Variants in SEC62 observed in about 807,000 individuals in gnomAD.
SEC62 encodes translocation protein SEC62.
In SEC62, 10 loss-of-function variants were observed where a neutral mutation model predicts 47.5. The ratio of observed to expected loss-of-function variants is 0.21; its 90% CI spans 0.13 to 0.36. The LOEUF is 0.36. Among genes scored for constraint, SEC62 ranks in the 10% least tolerant of loss-of-function variants. The pLI is 1.00. For synonymous variants in SEC62, 136 were observed against 150.5 expected (o/e 0.90, Z 0.71); for missense variants, 327 against 464.1 (o/e 0.70, Z 2.71).
At chr3:169,966,941 G>A in intron 1 of SEC62, 83 bp downstream of exon 1, 2 of 328,946 alleles carry the variant, frequency 6.1e-6, no homozygotes, top group Non-Finnish European at 1.1e-5. Context: ...AAGGGCGAGC[G>A]AAAGCAAGGG....
chr3:169,976,505 T>G (rs1169839937), intron 2 of SEC62, among the ~76,000 whole-genome samples: 1 of 152,250 alleles, frequency 6.6e-6, no homozygotes, highest in Admixed American at 6.5e-5. Context: ...TATAATATGT[T>G]TAGCTGTTTC....
intron 6 of SEC62, among the ~76,000 whole-genome samples, chr3:169,987,065 GA>G (rs372790350): frequency 9.3e-4 from 130 of 139,936 alleles, no homozygotes; most frequent in South Asian, 3.4e-3. Flanking sequence ...TTAACAAACA[GA>G]AAAAAAAAAA....
At chr3:169,979,465 A>T (rs999531292) in intron 3 of SEC62, among the ~76,000 whole-genome samples, 2 of 152,208 alleles carry the variant, frequency 1.3e-5, no homozygotes, top group African/African-American at 4.8e-5. Context: ...CTATATCATG[A>T]ATGAACTCAT....
chr3:169,983,405 T>G, intron 5 of SEC62, 152 bp downstream of exon 5: 1 of 457,564 alleles, frequency 2.2e-6, no homozygotes, highest in South Asian at 4.1e-5. Flanking sequence ...ATCAATAATT[T>G]CTCTTATTTA....
intron 7 of SEC62, among the ~76,000 whole-genome samples, chr3:169,991,201 G>A (rs1263001973): frequency 6.6e-6 from 1 of 152,060 alleles, no homozygotes; most frequent in African/African-American, 2.4e-5. Flanking sequence ...CATTAACATT[G>A]TATTTTTCCT....
rs1427987598 is a variant in SEC62, at chr3:169,993,862, A to G, written c.*799A>G. On this transcript the variant is annotated 3_prime_UTR_variant, in exon 8 of 8. Transcript: ENST00000337002. The stretch of plus-strand genomic sequence containing the variant: ...TATTTAGATATTTCTCAACACTTAA[A>G]TTCATAAAATTAAGACCATGTAAGG... 1.3e-5 allele frequency: 2 copies of G among 152,650 alleles called. No homozygotes were observed. The highest frequency in any genetic ancestry group is 2.9e-5 in the Non-Finnish European group (2 of 68,042). The allele number at this position is 152,650 out of a possible 1,614,324, so 9.5% of individuals were successfully genotyped here.
chr3:169,977,869 C>CT (rs1008183557), intron 3 of SEC62, among the ~76,000 whole-genome samples: 2 of 152,184 alleles, frequency 1.3e-5, no homozygotes, highest in Admixed American at 6.5e-5. Flanking sequence ...TAAGAACCCT[C>CT]TTAAAAACCA....
Position 169,969,392 on chromosome 3 carries a change from C to T in SEC62, c.36+2534C>T, listed in dbSNP as rs867331101. On this transcript the variant is annotated intron_variant, in intron 1 of 7. Transcript: ENST00000337002. ...GTCACTGAAAACCAGAAGTGAGCTACATGTACTCATACAGTAACTACATAT... is the reference window on the plus strand; with the variant it reads ...GTCACTGAAAACCAGAAGTGAGCTATATGTACTCATACAGTAACTACATAT... The T allele has an allele frequency of 2.4e-5, 11 of 456,152 alleles. No homozygotes were observed. In the Middle Eastern group the frequency reaches 1.9e-3, roughly 80 times the overall value. The allele number at this position is 456,152 out of a possible 1,614,324, so 28.3% of individuals were successfully genotyped here. A position where few individuals can be genotyped will look rare whatever the true frequency, so the allele number is the denominator to read the frequency against.
chr3:169,976,556 T>C (rs1159834829), intron 2 of SEC62, among the ~76,000 whole-genome samples: 2 of 152,220 alleles, frequency 1.3e-5, no homozygotes, highest in Non-Finnish European at 2.9e-5. Flanking sequence ...TCTTCCTCAG[T>C]GTATTAGAGT....
intron 5 of SEC62, 21 bp downstream of exon 5, chr3:169,983,274 A>G (rs759969723): frequency 2.6e-6 from 4 of 1,539,966 alleles, no homozygotes; most frequent in Non-Finnish European, 3.5e-6. Context: ...GCCTATAACT[A>G]GAAGTTCAGT....
At chr3:169,980,711 A>G (rs2108283860) in intron 3 of SEC62, among the ~76,000 whole-genome samples, 1 of 152,352 alleles carries the variant, frequency 6.6e-6, no homozygotes, top group East Asian at 1.9e-4. Flanking sequence ...ACTGTTGCAA[A>G]TGATTTAGAA....
At chr3:169,988,429 T>G (rs1290188012) in intron 7 of SEC62, 70 bp downstream of exon 7, 1 of 1,535,056 alleles carries the variant, frequency 6.5e-7, no homozygotes, top group Non-Finnish European at 8.9e-7. Context: ...AATTTGGAGC[T>G]TCAGTAAAGC....
At chr3:169,987,693 C>G (rs1715142027) in intron 6 of SEC62, among the ~76,000 whole-genome samples, 1 of 152,156 alleles carries the variant, frequency 6.6e-6, no homozygotes, top group Non-Finnish European at 1.5e-5. Flanking sequence ...TGTGTCCCCA[C>G]TTTACTTGCA....
intron 1 of SEC62, among the ~76,000 whole-genome samples, chr3:169,969,974 G>C (rs1254952760): frequency 6.6e-6 from 1 of 152,108 alleles, no homozygotes; most frequent in Non-Finnish European, 1.5e-5. Context: ...ATGGGCTTAT[G>C]TGCTTAATTT....
At chr3:169,974,461 T>C (rs185290574) in intron 1 of SEC62, among the ~76,000 whole-genome samples, 1 of 152,118 alleles carries the variant, frequency 6.6e-6, no homozygotes, top group East Asian at 1.9e-4. Flanking sequence ...ACAGGAGGAA[T>C]TGTCAAAGAA....
At chr3:169,982,131 G>A (rs1559965968) in intron 3 of SEC62, among the ~76,000 whole-genome samples, 1 of 152,162 alleles carries the variant, frequency 6.6e-6, no homozygotes, top group South Asian at 2.1e-4. Context: ...TCAATTTGAT[G>A]TTGTGCACGT....
intron 7 of SEC62, among the ~76,000 whole-genome samples, chr3:169,989,991 T>C (rs1166165304): frequency 7.1e-5 from 10 of 140,152 alleles, no homozygotes; most frequent in African/African-American, 2.4e-4. Context: ...ATATGATATA[T>C]AGATATATGA....
intron 3 of SEC62, 62 bp from the exon 4 acceptor site, chr3:169,982,645 A>G (rs910026829): frequency 6.3e-7 from 1 of 1,575,706 alleles, no homozygotes; most frequent in Non-Finnish European, 8.7e-7. Flanking sequence ...AGGTCTTGAT[A>G]TTTTTGCTTT....
At chr3:169,988,580 T>G (rs1408326363) in intron 7 of SEC62, among the ~76,000 whole-genome samples, 3 of 152,204 alleles carry the variant, frequency 2.0e-5, no homozygotes, top group African/African-American at 4.8e-5. Flanking sequence ...TTTAATAAGA[T>G]TATTTTTTAT....
Sources: gnomAD v4.1 joint callset for allele counts (sites outside exome capture counted in the v4.1 genomes callset) on GRCh38, gnomAD v4.1.1 for gene constraint, MANE v1.5 for transcripts, NCBI Gene and HGNC (gene_info 2026-07-23, HGNC 2026-07-21) for gene names.